Variants in APBB2 observed in about 807,000 individuals in gnomAD.
APBB2 encodes amyloid beta precursor protein binding family B member 2, also known as Fe65-like 1.
Under a neutral mutation model 82.5 loss-of-function variants are expected in APBB2, and 38 were observed. The ratio of observed to expected loss-of-function variants is 0.46; its 90% CI spans 0.36 to 0.60. The LOEUF (loss-of-function observed/expected upper bound fraction) is 0.60. APBB2 is among the 20% of genes least tolerant of loss of function. The pLI, the probability that APBB2 is intolerant of heterozygous loss-of-function variation, is 0.00. For missense variants in APBB2, 772 were observed against 972.3 expected, an observed-to-expected ratio of 0.79 and a Z score of 2.74; for synonymous variants, 341 against 368.2, an observed-to-expected ratio of 0.93 and a Z score of 0.85.
chr4:41,150,504 C>T (rs970164448), intron 1 of APBB2, among the ~76,000 whole-genome samples: 9 of 152,190 alleles, frequency 5.9e-5, no homozygotes, highest in African/African-American at 2.2e-4. Context: ...AGTGTCATTC[C>T]TTCTATCTAT....
At chr4:40,835,738 G>A (rs561771234) in intron 12 of APBB2, among the ~76,000 whole-genome samples, 1 of 152,318 alleles carries the variant, frequency 6.6e-6, no homozygotes, top group Admixed American at 6.5e-5. Flanking sequence ...GGAGAAAGCC[G>A]GCCAAGGGAA....
chr4:41,109,603 C>T (rs1376565790), intron 2 of APBB2, among the ~76,000 whole-genome samples: 2 of 152,016 alleles, frequency 1.3e-5, no homozygotes, highest in African/African-American at 2.4e-5. Context: ...CCCGAGTAGC[C>T]GGGATTACAG....
At chr4:41,075,549 C>T (rs564441431) in intron 3 of APBB2, among the ~76,000 whole-genome samples, 2 of 152,308 alleles carry the variant, frequency 1.3e-5, no homozygotes, top group Non-Finnish European at 1.5e-5. Flanking sequence ...CAAGGAAGCT[C>T]AGTTCCCTAT....
At chr4:40,894,499 C>A (rs1773103698) in intron 10 of APBB2, among the ~76,000 whole-genome samples, 1 of 152,070 alleles carries the variant, frequency 6.6e-6, no homozygotes, top group African/African-American at 2.4e-5. Context: ...AACAGAGAAG[C>A]AAGGTGTTTT....
At chr4:40,901,842 A>T (rs1381929179) in intron 10 of APBB2, among the ~76,000 whole-genome samples, 1 of 151,910 alleles carries the variant, frequency 6.6e-6, no homozygotes, top group Non-Finnish European at 1.5e-5. Context: ...TTAAGGGTCC[A>T]CGGACCTGGG....
intron 7 of APBB2, among the ~76,000 whole-genome samples, chr4:40,936,606 T>G (rs13125675): frequency 0.45 from 68,569 of 152,054 alleles, 16,031 homozygotes; most frequent in South Asian, 0.6. Context: ...CAAAGACACT[T>G]CAAATTTAGA....
At chr4:40,981,261 G>A (rs1798393932) in intron 6 of APBB2, among the ~76,000 whole-genome samples, 1 of 151,980 alleles carries the variant, frequency 6.6e-6, no homozygotes, top group Non-Finnish European at 1.5e-5. Context: ...AAATTAGCTG[G>A]GTGTGGTAGC....
intron 2 of APBB2, among the ~76,000 whole-genome samples, chr4:41,134,098 G>C (rs1756857413): frequency 6.6e-6 from 1 of 152,114 alleles, no homozygotes; most frequent in Admixed American, 6.5e-5. Flanking sequence ...TGCCTCTTGA[G>C]TAGCTAGGTT....
At chr4:41,194,408 C>A in intron 1 of APBB2, among the ~76,000 whole-genome samples, 1 of 152,144 alleles carries the variant, frequency 6.6e-6, no homozygotes, top group African/African-American at 2.4e-5. Flanking sequence ...TGGGGCCGGT[C>A]ACAGTGGCTC....
At chr4:40,976,013 A>G (rs916334639) in intron 6 of APBB2, among the ~76,000 whole-genome samples, 39 of 152,260 alleles carry the variant, frequency 2.6e-4, no homozygotes, top group African/African-American at 8.7e-4. Context: ...GGAAATATTC[A>G]AAGACTTTTA....
In APBB2 at chr4:41,033,255, G is replaced by C. The variant is rs1401713322; in HGVS notation, c.-1C>G. Reference sequence around the variant, plus strand: ...TCTGACCTGGAAGTACTTCTGACATGGATCACCAGGCGTCAGCAATGGTGC... The same window carrying C: ...TCTGACCTGGAAGTACTTCTGACATCGATCACCAGGCGTCAGCAATGGTGC... On this transcript the variant is annotated 5_prime_UTR_variant, in exon 5 of 18. Transcript: ENST00000508593. 4 of 1,600,352 alleles carry C rather than the reference G, an allele frequency of 2.5e-6. No individual in the cohort carries two copies. Among genetic ancestry groups the C allele is most frequent in the Non-Finnish European group, 3.4e-6 (4 of 1,170,090 alleles).
chr4:41,110,400 C>T (rs750034254), intron 2 of APBB2, among the ~76,000 whole-genome samples: 1 of 151,958 alleles, frequency 6.6e-6, no homozygotes, highest in African/African-American at 2.4e-5. Flanking sequence ...GTCAGGAGTT[C>T]GAGACCAGCC....
At chr4:41,116,936 T>TA (rs1751183384) in intron 2 of APBB2, among the ~76,000 whole-genome samples, 3 of 152,182 alleles carry the variant, frequency 2.0e-5, no homozygotes, top group Non-Finnish European at 4.4e-5. Context: ...TTCTCACACG[T>TA]TCCCACCTCT....
At chr4:40,856,849 C>T in intron 12 of APBB2, 1 of 739,012 alleles carries the variant, frequency 1.4e-6, no homozygotes, top group Non-Finnish European at 1.7e-6. Context: ...CCCTTCCAGC[C>T]GTCCAGGACC....
intron 6 of APBB2, among the ~76,000 whole-genome samples, chr4:40,965,684 T>C (rs760867929): frequency 6.6e-6 from 1 of 152,254 alleles, no homozygotes; most frequent in Non-Finnish European, 1.5e-5. Context: ...TGAATGTGGC[T>C]ATTAAATATT....
At chr4:40,900,243 G>A (rs1344314841) in intron 10 of APBB2, among the ~76,000 whole-genome samples, 1 of 152,098 alleles carries the variant, frequency 6.6e-6, no homozygotes, top group African/African-American at 2.4e-5. Flanking sequence ...AACATTTCCT[G>A]AGTGCCTGTT....
chr4:41,161,512 G>A (rs907176857), intron 1 of APBB2, among the ~76,000 whole-genome samples: 6 of 152,134 alleles, frequency 3.9e-5, no homozygotes, highest in African/African-American at 1.4e-4. Context: ...AGGCTGAGGT[G>A]GGAGGATTGT....
chr4:40,887,078 G>A (rs1283569155), intron 12 of APBB2, among the ~76,000 whole-genome samples: 1 of 152,174 alleles, frequency 6.6e-6, no homozygotes. Flanking sequence ...CAGAAGACTG[G>A]TATCAGATGT....
At chr4:40,957,550 T>C (rs1791971632) in intron 6 of APBB2, among the ~76,000 whole-genome samples, 1 of 151,842 alleles carries the variant, frequency 6.6e-6, no homozygotes, top group Non-Finnish European at 1.5e-5. Flanking sequence ...TAAGACATTC[T>C]TGATGGGGGA....
Sources: gnomAD v4.1 joint callset for allele counts (sites outside exome capture counted in the v4.1 genomes callset) on GRCh38, gnomAD v4.1.1 for gene constraint, MANE v1.5 for transcripts, NCBI Gene and HGNC (gene_info 2026-07-23, HGNC 2026-07-21) for gene names.